Variants in GLI2 observed in about 807,000 individuals in gnomAD.
GLI2 encodes the protein GLI family zinc finger 2.
GLI2 carries 22 observed loss-of-function variants against 78.9 expected under a neutral mutation model. That is an observed-to-expected ratio of 0.28 (90% CI 0.20 to 0.40). The LOEUF (loss-of-function observed/expected upper bound fraction) is 0.40. Among genes scored for constraint, GLI2 ranks in the 10% least tolerant of loss-of-function variants. The probability of loss-of-function intolerance (pLI) is 1.00; values close to 1 mark genes in which losing one functional copy is unlikely to be tolerated. For missense variants in GLI2, 2,097 were observed against 2,213.2 expected (o/e 0.95, Z 1.05); for synonymous variants, 974 against 963.7 (o/e 1.01, Z -0.20).
In GLI2 at chr2:120,988,585, G is replaced by A; in HGVS notation, c.2620G>A (p.Ala874Thr). 1.3e-6 allele frequency: 2 copies of A among 1,490,866 alleles called. No homozygotes were observed. Among genetic ancestry groups the A allele is most frequent in the Admixed American group, 2.2e-5 (1 of 45,980 alleles). The allele number at this position is 1,490,866 out of a possible 1,614,324, so 92.4% of individuals were successfully genotyped here. The change falls in exon 14 of 14, where the codon GCC (alanine) becomes ACC (threonine). Residue 874 changes from alanine to threonine, a missense_variant. Transcript: ENST00000361492. Reference protein sequence around the residue: ...LTPAQQYSLRAKYAAATGGPP... With the variant: ...LTPAQQYSLRTKYAAATGGPP... ...GCCGGCGCAGCAGTACAGCCTGCGG[G>A]CCAAGTACGCGGCAGCCACTGGCGG...
chr2:120,870,822 G>A (rs1688389881), intron 2 of GLI2, among the ~76,000 whole-genome samples: 1 of 152,106 alleles, frequency 6.6e-6, no homozygotes, highest in Non-Finnish European at 1.5e-5. Flanking sequence ...GACTCTTCCT[G>A]CAGAACCTGG....
At chr2:120,784,887 C>T (rs1185739806) in intron 1 of GLI2, among the ~76,000 whole-genome samples, 3 of 152,142 alleles carry the variant, frequency 2.0e-5, no homozygotes, top group Admixed American at 6.5e-5. Context: ...CCTCTGATGC[C>T]GGTCTCCCCA....
At chr2:120,952,508 C>A (rs1387824751) in intron 4 of GLI2, among the ~76,000 whole-genome samples, 2 of 152,214 alleles carry the variant, frequency 1.3e-5, no homozygotes, top group Non-Finnish European at 2.9e-5. Flanking sequence ...AAGGAGGCAT[C>A]CAGTTTTCAA....
chr2:120,923,683 CACAT>C (rs2104855894), intron 2 of GLI2, among the ~76,000 whole-genome samples: 1 of 152,200 alleles, frequency 6.6e-6, no homozygotes, highest in African/African-American at 2.4e-5. Flanking sequence ...TATAGCGATA[CACAT>C]ACATATAAAG....
intron 3 of GLI2, among the ~76,000 whole-genome samples, chr2:120,928,341 A>C (rs1319048894): frequency 6.6e-6 from 1 of 151,986 alleles, no homozygotes; most frequent in Non-Finnish European, 1.5e-5. Flanking sequence ...GTGTGCCTGG[A>C]ATCTCCCCCC....
chr2:120,968,659 AC>A (rs1372864109), intron 5 of GLI2, 54 bp from the exon 6 acceptor site: 33 of 1,168,862 alleles, frequency 2.8e-5, no homozygotes, highest in Admixed American at 1.0e-4. Flanking sequence ...CCCACATGTC[AC>A]CCCCTCCCCC....
intron 2 of GLI2, among the ~76,000 whole-genome samples, chr2:120,799,256 C>A (rs576188621): frequency 6.6e-6 from 1 of 152,318 alleles, no homozygotes; most frequent in South Asian, 2.1e-4. Context: ...CAACCCCACC[C>A]CACTGCAGCA....
Position 120,939,560 on chromosome 2 carries a change from T to C in GLI2, c.255-11683T>C, listed in dbSNP as rs538805145. Among the ~76,000 whole-genome samples the C allele has an allele frequency of 2.2e-4, 34 of 152,340 alleles. 1 individual carries two copies. The South Asian group carries it at 6.6e-3, about 30-fold the overall frequency. On this transcript the variant is annotated intron_variant, in intron 3 of 13. Coordinates refer to ENST00000361492, the MANE Select transcript of GLI2 (RefSeq NM_001374353.1). The stretch of plus-strand genomic sequence containing the variant: ...GTCATGCTTTATATACATGGAATCA[T>C]TGCAGAGGTATTCTTCGGGAACTTG...
intron 1 of GLI2, among the ~76,000 whole-genome samples, chr2:120,796,362 C>T (rs1366536413): frequency 6.6e-6 from 1 of 152,216 alleles, no homozygotes; most frequent in Non-Finnish European, 1.5e-5. Context: ...AGCCTCCTCT[C>T]CCCGAAAAGC....
intron 1 of GLI2, among the ~76,000 whole-genome samples, chr2:120,791,838 T>G (rs115684984): frequency 6.6e-6 from 1 of 152,208 alleles, no homozygotes; most frequent in Non-Finnish European, 1.5e-5. Flanking sequence ...TGCACGTGTG[T>G]GTGTGGCCTG....
chr2:120,817,497 C>G (rs1242789222), intron 2 of GLI2, among the ~76,000 whole-genome samples: 1 of 152,192 alleles, frequency 6.6e-6, no homozygotes. Context: ...CTCTTACAGT[C>G]TCATCACCGC....
chr2:120,893,312 G>C (rs1677770247), intron 2 of GLI2, among the ~76,000 whole-genome samples: 1 of 152,166 alleles, frequency 6.6e-6, no homozygotes, highest in Non-Finnish European at 1.5e-5. Context: ...TTCAAACCCT[G>C]GTGGCCCCTG....
rs1399406886 is a variant in GLI2, at chr2:120,955,395, C to T, written c.608C>T (p.Ala203Val). 3.7e-6 allele frequency: 6 copies of T among 1,611,098 alleles called. No homozygotes were observed. The highest frequency in any genetic ancestry group is 1.3e-5 in the African/African-American group (1 of 74,848). Residue 203 changes from alanine to valine, a missense_variant, in exon 5 of 14, where the codon GCA (alanine) becomes GTA (valine). This residue lies in a region of GLI2 where 578 missense variants were observed against 612.0 expected (regional missense o/e 0.94). Transcript: ENST00000361492. ...LLMQSGGAAS[A>V]PHLHDYLNPV... Reference sequence around the variant, plus strand: ...ATGCAGAGCGGGGGCGCTGCCAGCGCACCCCATCTCCACGACTACCTCAAC... The same window carrying T: ...ATGCAGAGCGGGGGCGCTGCCAGCGTACCCCATCTCCACGACTACCTCAAC...
chr2:120,807,866 G>A (rs57339437), intron 2 of GLI2, among the ~76,000 whole-genome samples: 10 of 142,290 alleles, frequency 7.0e-5, no homozygotes, highest in African/African-American at 1.2e-4. Flanking sequence ...ACACCTCCCC[G>A]CCCCCGCCAC....
chr2:120,800,249 C>T lies in GLI2; in HGVS notation c.148+2781C>T, dbSNP rs1480526399. On this transcript the variant is annotated intron_variant, in intron 2 of 13. Coordinates refer to ENST00000361492, the MANE Select transcript of GLI2 (RefSeq NM_001374353.1). The surrounding 1 kb of genome is among the most constrained non-coding windows in gnomAD (Gnocchi z 4.1). The stretch of plus-strand genomic sequence containing the variant: ...AGCTGAGAATTTTTGTTGAGGGGCC[C>T]CTCTTCTCGAGTTGTTTCTGGCAAA... Among the ~76,000 whole-genome samples the T allele has an allele frequency of 6.6e-6, 1 of 152,040 alleles. No individual in the cohort carries two copies. Among genetic ancestry groups the T allele is most frequent in the Non-Finnish European group, 1.5e-5 (1 of 67,994 alleles).
At chr2:120,907,904 G>T (rs950288256) in intron 2 of GLI2, among the ~76,000 whole-genome samples, 1 of 152,232 alleles carries the variant, frequency 6.6e-6, no homozygotes, top group Non-Finnish European at 1.5e-5. Flanking sequence ...GGACTGCTGG[G>T]CATGGGAAAG....
chr2:120,862,520 C>T (rs1156346735), intron 2 of GLI2, among the ~76,000 whole-genome samples: 1 of 152,118 alleles, frequency 6.6e-6, no homozygotes, highest in Non-Finnish European at 1.5e-5. Context: ...TGCGTGACCC[C>T]GTCTCTCTGT....
chr2:120,984,800 C>T, intron 12 of GLI2, 57 bp downstream of exon 12: 1 of 1,565,852 alleles, frequency 6.4e-7, no homozygotes, highest in Non-Finnish European at 8.7e-7. Flanking sequence ...GTGCCCAGGG[C>T]CACCCCTTGC....
intron 3 of GLI2, among the ~76,000 whole-genome samples, chr2:120,942,859 CTCTT>C (rs530271552): frequency 0.014 from 2,164 of 149,676 alleles, 69 homozygotes; most frequent in African/African-American, 0.052. Flanking sequence ...CGTTCACGCC[CTCTT>C]TCATTCATTC....
Sources: allele counts gnomAD v4.1 joint callset (sites outside exome capture counted in the v4.1 genomes callset), GRCh38; gene constraint gnomAD v4.1.1; regional missense constraint gnomAD v4.1.1; non-coding constraint Gnocchi (gnomAD v3.1); transcripts MANE v1.5; gene names NCBI Gene and HGNC (gene_info 2026-07-23, HGNC 2026-07-21).